Variants in SH3RF1 observed in about 807,000 individuals in gnomAD.
SH3RF1 encodes E3 ubiquitin-protein ligase SH3RF1.
Under a neutral mutation model 74.0 loss-of-function variants are expected in SH3RF1, and 32 were observed. That is an observed-to-expected ratio of 0.43 (90% CI 0.33 to 0.58). The LOEUF is 0.58. Among genes scored for constraint, SH3RF1 ranks in the 20% least tolerant of loss-of-function variants. SH3RF1 has a pLI of 0.05. For synonymous variants in SH3RF1, 396 were observed against 439.6 expected, an observed-to-expected ratio of 0.90 and a Z score of 1.24; for missense variants, 954 against 1,130.9, an observed-to-expected ratio of 0.84 and a Z score of 2.24.
At chr4:169,099,528 A>C (rs549134905) in intron 11 of SH3RF1, among the ~76,000 whole-genome samples, 1 of 152,368 alleles carries the variant, frequency 6.6e-6, no homozygotes, top group African/African-American at 2.4e-5. Context: ...ATGTGGGGCA[A>C]GTTAAACATT....
intron 1 of SH3RF1, 80 bp from the exon 2 acceptor site, chr4:169,269,387 A>G (rs762712694): frequency 2.6e-5 from 16 of 611,360 alleles, no homozygotes; most frequent in Non-Finnish European, 4.1e-5. Context: ...CCAAGAATCA[A>G]AAAGTACCCA....
chr4:169,211,481 CAAA>C (rs760721489), intron 2 of SH3RF1, among the ~76,000 whole-genome samples: 1 of 90,968 alleles, frequency 1.1e-5, no homozygotes. Context: ...GACTCCGTCT[CAAA>C]AAAAAAAAAA....
At chr4:169,256,359 G>A (rs1731194974) in intron 2 of SH3RF1, among the ~76,000 whole-genome samples, 1 of 151,834 alleles carries the variant, frequency 6.6e-6, no homozygotes, top group South Asian at 2.1e-4. Context: ...AGATAATGTT[G>A]CTCTCCATTT....
intron 2 of SH3RF1, among the ~76,000 whole-genome samples, chr4:169,250,306 A>T (rs898656318): frequency 6.6e-6 from 1 of 150,856 alleles, no homozygotes; most frequent in Admixed American, 6.6e-5. Flanking sequence ...CATACTGCTC[A>T]TCTCTTGGGT....
rs181415569 is a variant in SH3RF1 at position 169,113,343 on chromosome 4, C to T, written c.2139+2926G>A. ...CCAGGCTGGTCTCAACTCCTGACCT[C>T]AGGTGATACACCAGCTTTGGCCTCC... On this transcript the variant is annotated intron_variant, in intron 10 of 11. Coordinates refer to ENST00000284637, the MANE Select transcript of SH3RF1 (RefSeq NM_020870.4). Among the ~76,000 whole-genome samples the T allele has an allele frequency of 2.5e-3, 385 of 152,328 alleles. 1 individual carries two copies. The highest frequency in any genetic ancestry group is 6.8e-3 in the Middle Eastern group (2 of 294).
intron 2 of SH3RF1, among the ~76,000 whole-genome samples, chr4:169,213,064 C>G (rs1481093787): frequency 2.0e-5 from 3 of 152,194 alleles, no homozygotes; most frequent in Non-Finnish European, 2.9e-5. Context: ...AAGCAATGCA[C>G]TAGATCATAT....
chr4:169,261,214 C>T (rs963577880), intron 2 of SH3RF1, among the ~76,000 whole-genome samples: 28 of 151,980 alleles, frequency 1.8e-4, no homozygotes, highest in African/African-American at 6.8e-4. Flanking sequence ...AACCAGAGGC[C>T]ACAACTTCTG....
rs746876789 is a variant in SH3RF1 at position 169,096,378 on chromosome 4, T to G, written c.*141A>C. On this transcript the variant is annotated 3_prime_UTR_variant, in exon 12 of 12. Coordinates refer to ENST00000284637, the MANE Select transcript of SH3RF1 (RefSeq NM_020870.4). ...TTCATTCTGCTCGCTGGGGTAACTG[T>G]GCTGGGGCATCAGAGTCACATACCA... 7 of 834,516 alleles carry G rather than the reference T, an allele frequency of 8.4e-6. No individual in the cohort carries two copies. The highest frequency in any genetic ancestry group is 1.3e-5 in the Non-Finnish European group (7 of 533,112). 51.7% of individuals were successfully genotyped at this position (834,516 alleles called of 1,614,324 possible). A position where few individuals can be genotyped will look rare whatever the true frequency, so the allele number is the denominator to read the frequency against.
chr4:169,199,845 C>T (rs747997756), intron 2 of SH3RF1, among the ~76,000 whole-genome samples: 1 of 151,946 alleles, frequency 6.6e-6, no homozygotes, highest in African/African-American at 2.4e-5. Context: ...TCAGCAAGCA[C>T]GACACATGTA....
chr4:169,197,724 T>C (rs894066342), intron 2 of SH3RF1, among the ~76,000 whole-genome samples: 1 of 152,002 alleles, frequency 6.6e-6, no homozygotes, highest in Middle Eastern at 3.2e-3. Flanking sequence ...CTTTCATAAG[T>C]ATAAACTTAC....
intron 2 of SH3RF1, among the ~76,000 whole-genome samples, chr4:169,183,624 T>C (rs2126980374): frequency 1.3e-5 from 2 of 152,048 alleles, no homozygotes; most frequent in Non-Finnish European, 2.9e-5. Context: ...GGTGTACAAC[T>C]GTAGTCTCAG....
At chr4:169,136,249 C>G in intron 5 of SH3RF1, 69 bp downstream of exon 5, 1 of 1,344,310 alleles carries the variant, frequency 7.4e-7, no homozygotes, top group African/African-American at 1.5e-5. Context: ...AGCCAGTGAG[C>G]AAACATGTTT....
At chr4:169,171,423 A>G (rs529608813) in intron 2 of SH3RF1, among the ~76,000 whole-genome samples, 10 of 152,314 alleles carry the variant, frequency 6.6e-5, no homozygotes, top group African/African-American at 2.4e-4. Context: ...AATGAGGGGG[A>G]AACAGACCGT....
At chr4:169,176,918 G>T (rs997506792) in intron 2 of SH3RF1, among the ~76,000 whole-genome samples, 1 of 149,880 alleles carries the variant, frequency 6.7e-6, no homozygotes, top group African/African-American at 2.4e-5. Context: ...ACCGTGCCTG[G>T]TTAATTTCTG....
At chr4:169,122,372 C>T in intron 6 of SH3RF1, 106 bp from the exon 7 acceptor site, 1 of 1,307,856 alleles carries the variant, frequency 7.6e-7, no homozygotes, top group Non-Finnish European at 1.0e-6. Flanking sequence ...ATCCATAGAA[C>T]AAGACTTTAA....
intron 2 of SH3RF1, among the ~76,000 whole-genome samples, chr4:169,263,256 C>G (rs751721486): frequency 6.6e-6 from 1 of 152,156 alleles, no homozygotes; most frequent in Non-Finnish European, 1.5e-5. Context: ...CCAAGGACCA[C>G]GAACTACAAA....
At chr4:169,251,718 T>C (rs1731108398) in intron 2 of SH3RF1, among the ~76,000 whole-genome samples, 1 of 152,170 alleles carries the variant, frequency 6.6e-6, no homozygotes, top group African/African-American at 2.4e-5. Context: ...ACCTCACCTA[T>C]AAGGAATGCA....
intron 2 of SH3RF1, among the ~76,000 whole-genome samples, chr4:169,171,759 C>T (rs1184397981): frequency 6.6e-6 from 1 of 152,072 alleles, no homozygotes; most frequent in Non-Finnish European, 1.5e-5. Flanking sequence ...ATTCCCCTCA[C>T]AAAAAACCAC....
At chr4:169,237,402 AG>A (rs1424675581) in intron 2 of SH3RF1, among the ~76,000 whole-genome samples, 1 of 152,178 alleles carries the variant, frequency 6.6e-6, no homozygotes, top group Non-Finnish European at 1.5e-5. Context: ...ACACTTCGGG[AG>A]GTGGAAGTGG....
Sources: allele counts gnomAD v4.1 joint callset (sites outside exome capture counted in the v4.1 genomes callset), GRCh38; gene constraint gnomAD v4.1.1; transcripts MANE v1.5; gene names NCBI Gene and HGNC (gene_info 2026-07-23, HGNC 2026-07-21).